Variants in CHMP3 observed in about 807,000 individuals in gnomAD.
CHMP3 encodes the protein charged multivesicular body protein 3, also known as 25.1 protein.
Under a neutral mutation model 27.4 loss-of-function variants are expected in CHMP3, and 8 were observed. That is an observed-to-expected ratio of 0.29 (90% CI 0.17 to 0.53). CHMP3 has a LOEUF of 0.53. Ranked by LOEUF, CHMP3 falls within the 20% of genes least tolerant of loss-of-function variation. CHMP3 has a pLI of 0.96. For synonymous variants in CHMP3, 86 were observed against 85.5 expected (o/e 1.01, Z -0.03); for missense variants, 208 against 271.5 (o/e 0.77, Z 1.64).
At chr2:86,507,899 A>C (rs1185972284) in intron 4 of CHMP3, among the ~76,000 whole-genome samples, 1 of 152,222 alleles carries the variant, frequency 6.6e-6, no homozygotes, top group Non-Finnish European at 1.5e-5. Context: ...CAGCTCACTG[A>C]CAGATGAGTG....
Position 86,529,384 on chromosome 2 carries a change from T to C in CHMP3, c.120A>G (p.Glu40=), listed in dbSNP as rs1264741281. Residue 40 remains glutamate (E), a synonymous_variant, in exon 3 of 6, where the codon GAA becomes GAG. Coordinates refer to ENST00000263856, the MANE Select transcript of CHMP3 (RefSeq NM_016079.4). The part of the protein sequence containing the change: ...VDRQIRDIQR[E]EEKVKRSVKD... ...TCACAGATCGTTTCACTTTTTCTTCTTCTCTTTGGATATCTAAATTTAGAA... is the reference window on the plus strand; with the variant it reads ...TCACAGATCGTTTCACTTTTTCTTCCTCTCTTTGGATATCTAAATTTAGAA... 1.5e-5 allele frequency: 24 copies of C among 1,598,972 alleles called. No individual in the cohort carries two copies. Among genetic ancestry groups the C allele is most frequent in the Non-Finnish European group, 2.0e-5 (24 of 1,174,454 alleles).
rs1385758624 is a variant in CHMP3, at chr2:86,546,235, G to A, written c.46-3923C>T. Among the ~76,000 whole-genome samples the A allele has an allele frequency of 5.9e-5, 9 of 152,106 alleles. No individual in the cohort carries two copies. The East Asian group carries it at 7.8e-4, about 13-fold the overall frequency. On this transcript the variant is annotated intron_variant, in intron 1 of 5. Coordinates refer to ENST00000263856, the MANE Select transcript of CHMP3 (RefSeq NM_016079.4). ...AAAAACCAGTCAGGTGTGGCGGTGC[G>A]TGCCTGCAATCCTAGGCACTCGGCA...
chr2:86,556,727 A>T (rs537442035), intron 1 of CHMP3, among the ~76,000 whole-genome samples: 1 of 152,314 alleles, frequency 6.6e-6, no homozygotes, highest in East Asian at 1.9e-4. Context: ...TTGTCATTAC[A>T]TCTGTACTGA....
At chr2:86,550,323 C>A (rs969860092) in intron 1 of CHMP3, among the ~76,000 whole-genome samples, 3 of 152,016 alleles carry the variant, frequency 2.0e-5, no homozygotes, top group Non-Finnish European at 4.4e-5. Flanking sequence ...CTGCAGCGAG[C>A]CGAGACCACG....
At chr2:86,548,732 G>A (rs1428864493) in intron 1 of CHMP3, among the ~76,000 whole-genome samples, 1 of 152,202 alleles carries the variant, frequency 6.6e-6, no homozygotes, top group Admixed American at 6.5e-5. Flanking sequence ...CTTCCCAGAT[G>A]GGGTGGCCGG....
At chr2:86,513,774 C>T (rs936113274) in intron 3 of CHMP3, among the ~76,000 whole-genome samples, 1 of 152,216 alleles carries the variant, frequency 6.6e-6, no homozygotes, top group African/African-American at 2.4e-5. Context: ...ACTGAAAGGA[C>T]TCCACTGCAG....
At chr2:86,519,191 T>TGG (rs1675431173) in intron 3 of CHMP3, among the ~76,000 whole-genome samples, 1 of 151,934 alleles carries the variant, frequency 6.6e-6, no homozygotes, top group Non-Finnish European at 1.5e-5. Flanking sequence ...CTCCTCAACA[T>TGG]GGTGAAACCC....
intron 3 of CHMP3, among the ~76,000 whole-genome samples, chr2:86,524,974 C>T (rs1030643940): frequency 1.3e-5 from 2 of 152,216 alleles, no homozygotes; most frequent in Non-Finnish European, 2.9e-5. Flanking sequence ...CACAACTACA[C>T]AAACACATCC....
At position 86,505,773 on chromosome 2, in the gene CHMP3, G is replaced by A. The variant is rs781182519; in HGVS notation, c.*31C>T. 1 of 1,518,168 alleles carries A rather than the reference G, an allele frequency of 6.6e-7. No homozygotes were observed. Among genetic ancestry groups the A allele is most frequent in the East Asian group, 2.5e-5 (1 of 40,618 alleles). The allele number at this position is 1,518,168 out of a possible 1,614,324, so 94.0% of individuals were successfully genotyped here. ...CATAAAATGGCAGCTCTTGAGAGGA[G>A]TGTGTGCACACCCAGCGGGGTAGGC... On this transcript the variant is annotated 3_prime_UTR_variant, in exon 6 of 6. Coordinates refer to ENST00000263856, the MANE Select transcript of CHMP3 (RefSeq NM_016079.4).
chr2:86,552,843 A>G (rs1213207433), intron 1 of CHMP3, among the ~76,000 whole-genome samples: 2 of 152,212 alleles, frequency 1.3e-5, no homozygotes, highest in African/African-American at 2.4e-5. Flanking sequence ...GAACAAGATC[A>G]TGTCCTTTGT....
chr2:86,552,571 C>T lies in CHMP3; in HGVS notation c.46-10259G>A, dbSNP rs1676950693. Among the ~76,000 whole-genome samples the T allele has an allele frequency of 2.0e-5, 3 of 152,282 alleles. No homozygotes were observed. The South Asian group carries it at 6.2e-4, about 32-fold the overall frequency. On this transcript the variant is annotated intron_variant, in intron 1 of 5. Coordinates refer to ENST00000263856, the MANE Select transcript of CHMP3 (RefSeq NM_016079.4). Reference sequence around the variant, plus strand: ...TTCACATGGTGCTAAAATATCACCCCTCAGGTTAGTTACTAGCATAAAAAG... The same window carrying T: ...TTCACATGGTGCTAAAATATCACCCTTCAGGTTAGTTACTAGCATAAAAAG...
intron 2 of CHMP3, among the ~76,000 whole-genome samples, chr2:86,538,622 A>G (rs892971437): frequency 2.0e-5 from 3 of 152,182 alleles, no homozygotes; most frequent in Non-Finnish European, 4.4e-5. Flanking sequence ...GCATTTTCAC[A>G]TGTGTATAAC....
chr2:86,547,954 C>A (rs1017379884), intron 1 of CHMP3, among the ~76,000 whole-genome samples: 4 of 152,014 alleles, frequency 2.6e-5, no homozygotes, highest in Non-Finnish European at 5.9e-5. Flanking sequence ...CTATTATATG[C>A]GAAACTAGGC....
rs1195311097 is a variant in CHMP3, at chr2:86,510,626, T to C, written c.287-147A>G. The C allele has an allele frequency of 6.1e-6, 7 of 1,148,816 alleles. No individual in the cohort carries two copies. In the African/African-American group the frequency reaches 6.2e-5, roughly 10 times the overall value. 71.2% of individuals were successfully genotyped at this position (1,148,816 alleles called of 1,614,324 possible). ...GCCTTTAAATTAATTACTGTGCTAG[T>C]TGACCAAGAGATTGACTTTCCTAAA... On this transcript the variant is annotated intron_variant, in intron 3 of 5. Coordinates refer to ENST00000263856, the MANE Select transcript of CHMP3 (RefSeq NM_016079.4).
At chr2:86,523,528 TGCCTA>T (rs1181186065) in intron 3 of CHMP3, among the ~76,000 whole-genome samples, 1 of 152,208 alleles carries the variant, frequency 6.6e-6, no homozygotes, top group Admixed American at 6.5e-5. Context: ...CCCAGAAGTA[TGCCTA>T]GCACATAATA....
At chr2:86,508,107 G>A (rs1558642692) in intron 4 of CHMP3, among the ~76,000 whole-genome samples, 1 of 152,182 alleles carries the variant, frequency 6.6e-6, no homozygotes, top group Non-Finnish European at 1.5e-5. Flanking sequence ...CCAGAATGGG[G>A]TAATCTGGTA....
At chr2:86,549,862 C>T (rs1198735730) in intron 1 of CHMP3, among the ~76,000 whole-genome samples, 17 of 149,358 alleles carry the variant, frequency 1.1e-4, no homozygotes, top group Admixed American at 8.6e-4. Flanking sequence ...CCAGATGGGG[C>T]AGCCGGGCAG....
chr2:86,559,953 C>A (rs1677280968), intron 1 of CHMP3, among the ~76,000 whole-genome samples: 1 of 152,104 alleles, frequency 6.6e-6, no homozygotes, highest in East Asian at 1.9e-4. Flanking sequence ...AAAGAAATAC[C>A]TGAGACTGCG....
chr2:86,545,569 CTT>C, intron 1 of CHMP3, among the ~76,000 whole-genome samples: 1 of 125,420 alleles, frequency 8.0e-6, no homozygotes, highest in African/African-American at 3.0e-5. Context: ...GCGCTCCTCA[CTT>C]CCCAGACGGG....
Sources: allele counts gnomAD v4.1 joint callset (sites outside exome capture counted in the v4.1 genomes callset), GRCh38; gene constraint gnomAD v4.1.1; transcripts MANE v1.5; gene names NCBI Gene and HGNC (gene_info 2026-07-23, HGNC 2026-07-21).